SCAMP4: variants seen among roughly 807,000 people sequenced by gnomAD.
SCAMP4 encodes the protein secretory carrier membrane protein 4.
SCAMP4 carries 19 observed loss-of-function variants against 32.1 expected under a neutral mutation model. That is an observed-to-expected ratio of 0.59 (90% CI 0.41 to 0.87). The LOEUF is 0.87. Ranked by LOEUF, SCAMP4 falls within the 40% of genes least tolerant of loss-of-function variation. The probability of loss-of-function intolerance (pLI) is 0.00; values close to 1 mark genes in which losing one functional copy is unlikely to be tolerated. For missense variants in SCAMP4, 302 were observed against 309.0 expected (o/e 0.98, Z 0.17); for synonymous variants, 152 against 132.7 (o/e 1.15, Z -1.00).
intron 5 of SCAMP4, chr19:1,921,970 G>A (rs186309214): frequency 8.1e-6 from 8 of 985,522 alleles, no homozygotes; most frequent in Middle Eastern, 5.2e-4. Context: ...GTGCATGTGT[G>A]TGCATAAGCT....
At position 1,917,605 on chromosome 19, in the gene SCAMP4, G is replaced by C. The variant is rs1238625380; in HGVS notation, c.8-89G>C. ...CTGCAGAGTCCCTTCTGCCATGAGA[G>C]GCAACCCAGCCTTGGGTCGAAGGGA... On this transcript the variant is annotated intron_variant, in intron 2 of 6. Transcript: ENST00000316097. 3 of 1,492,546 alleles carry C rather than the reference G, an allele frequency of 2.0e-6. No individual in the cohort carries two copies. The East Asian group carries it at 7.0e-5, about 35-fold the overall frequency. The allele number at this position is 1,492,546 out of a possible 1,614,324, so 92.5% of individuals were successfully genotyped here.
chr19:1,912,070 G>A, intron 1 of SCAMP4: 1 of 1,444,544 alleles, frequency 6.9e-7, no homozygotes. Flanking sequence ...TCCCGTCTCT[G>A]TCTCCCACAG....
At chr19:1,921,573 C>T (rs985820580) in intron 5 of SCAMP4, 23 of 985,304 alleles carry the variant, frequency 2.3e-5, no homozygotes, top group African/African-American at 3.5e-5. Context: ...CATGCGGGGG[C>T]GTGCGATGCT....
chr19:1,913,942 G>A (rs1455955510), intron 1 of SCAMP4, among the ~76,000 whole-genome samples: 3 of 152,188 alleles, frequency 2.0e-5, no homozygotes, highest in Admixed American at 6.5e-5. Flanking sequence ...GCTCTGCGTG[G>A]GGAGCTCATG....
chr19:1,923,574 G>C (rs1355487693), intron 6 of SCAMP4, among the ~76,000 whole-genome samples: 1 of 150,018 alleles, frequency 6.7e-6, no homozygotes, highest in East Asian at 2.0e-4. Context: ...CGGAAGTGTT[G>C]AGCTGGGCTC....
intron 1 of SCAMP4, chr19:1,913,283 G>A: frequency 2.3e-6 from 3 of 1,323,728 alleles, no homozygotes; most frequent in East Asian, 5.2e-5. Flanking sequence ...CCAGCGGGGA[G>A]CACGGGTGCT....
chr19:1,914,852 C>T lies in SCAMP4; in HGVS notation c.-41-127C>T, dbSNP rs545291444. Reference sequence around the variant, plus strand: ...TGGGTCGAGTCAGGCCTGTGGCTCCCGCTTAGCCCACTGCTGTTTCCAGAG... The same window carrying T: ...TGGGTCGAGTCAGGCCTGTGGCTCCTGCTTAGCCCACTGCTGTTTCCAGAG... On this transcript the variant is annotated intron_variant, in intron 1 of 6. Coordinates refer to ENST00000316097, the MANE Select transcript of SCAMP4 (RefSeq NM_079834.4). The T allele has an allele frequency of 1.2e-3, 886 of 753,922 alleles. 2 individuals are homozygous for T. The highest frequency in any genetic ancestry group is 1.8e-3 in the Non-Finnish European group (770 of 438,454). 46.7% of individuals were successfully genotyped at this position (753,922 alleles called of 1,614,324 possible).
At chr19:1,910,904 G>GT (rs1385442540) in intron 1 of SCAMP4, among the ~76,000 whole-genome samples, 1 of 151,246 alleles carries the variant, frequency 6.6e-6, no homozygotes, top group East Asian at 1.9e-4. Context: ...GTCTCGCGCT[G>GT]TTACCAGGCT....
chr19:1,908,575 GGCT>G lies in SCAMP4; in HGVS notation c.-42+3137_-42+3139del, dbSNP rs2013266537. 2.1e-6 allele frequency: 1 copy of G among 471,032 alleles called. No homozygotes were observed. The highest frequency in any genetic ancestry group is 4.4e-6 in the Non-Finnish European group (1 of 227,052). The allele number at this position is 471,032 out of a possible 1,614,324, so 29.2% of individuals were successfully genotyped here. A position where few individuals can be genotyped will look rare whatever the true frequency, so the allele number is the denominator to read the frequency against. On this transcript the variant is annotated intron_variant, in intron 1 of 6. Transcript: ENST00000316097. The surrounding 1 kb of genome is among the most constrained non-coding windows in gnomAD (Gnocchi z 4.2). The stretch of plus-strand genomic sequence containing the variant: ...CTGGAGTCATTTTAAGATCATCTGC[GGCT>G]TAGCCCCAGCACCATCTGAGGCAGT...
chr19:1,912,189 C>T, intron 1 of SCAMP4: 1 of 1,583,416 alleles, frequency 6.3e-7, no homozygotes. Flanking sequence ...CCTCCCTGTC[C>T]TGTCCGAGAA....
At chr19:1,917,600 T>TG (rs2013774778) in intron 2 of SCAMP4, 94 bp from the exon 3 acceptor site, 1 of 1,455,254 alleles carries the variant, frequency 6.9e-7, no homozygotes. Flanking sequence ...CCTTCTGCCA[T>TG]GAGAGGCAAC....
At chr19:1,915,947 A>G (rs1482757998) in intron 2 of SCAMP4, among the ~76,000 whole-genome samples, 1 of 136,286 alleles carries the variant, frequency 7.3e-6, no homozygotes, top group Admixed American at 7.5e-5. Context: ...TGTCTCAGAA[A>G]AAAAAAAAAG....
At chr19:1,912,955 C>G in intron 1 of SCAMP4, 2 of 1,610,284 alleles carry the variant, frequency 1.2e-6, no homozygotes, top group Non-Finnish European at 1.7e-6. Context: ...CTGTACGTGA[C>G]CCGCGAGCCC....
rs1417893401 is a variant in SCAMP4, at chr19:1,908,569, A to G, written c.-42+3130A>G. 2.1e-6 allele frequency: 1 copy of G among 471,058 alleles called. No homozygotes were observed. The highest frequency in any genetic ancestry group is 4.4e-6 in the Non-Finnish European group (1 of 227,056). 29.2% of individuals were successfully genotyped at this position (471,058 alleles called of 1,614,324 possible). A position where few individuals can be genotyped will look rare whatever the true frequency, so the allele number is the denominator to read the frequency against. On this transcript the variant is annotated intron_variant, in intron 1 of 6. Coordinates refer to ENST00000316097, the MANE Select transcript of SCAMP4 (RefSeq NM_079834.4). This position sits in a 1 kb window ranked among gnomAD's most constrained non-coding sequence, Gnocchi z 4.2. Reference sequence around the variant, plus strand: ...ACCCGGCTGGAGTCATTTTAAGATCATCTGCGGCTTAGCCCCAGCACCATC... The same window carrying G: ...ACCCGGCTGGAGTCATTTTAAGATCGTCTGCGGCTTAGCCCCAGCACCATC...
intron 3 of SCAMP4, 58 bp downstream of exon 3, chr19:1,917,880 G>A: frequency 6.2e-7 from 1 of 1,604,980 alleles, no homozygotes; most frequent in South Asian, 1.1e-5. Context: ...CCGAGGGAGG[G>A]AGTGGCATTC....
In SCAMP4 at chr19:1,922,264, C is replaced by T. The variant is rs1236597306; in HGVS notation, c.396-806C>T. 3.9e-5 allele frequency: 38 copies of T among 985,172 alleles called. No individual in the cohort carries two copies. In the Admixed American group the frequency reaches 7.4e-4, roughly 19 times the overall value. 61.0% of individuals were successfully genotyped at this position (985,172 alleles called of 1,614,324 possible). A position where few individuals can be genotyped will look rare whatever the true frequency, so the allele number is the denominator to read the frequency against. ...GGCTGATCTAAGCAGTGCTTTCCCTCGTTTTTTTATTTTGAGACAGAATCT... is the reference window on the plus strand; with the variant it reads ...GGCTGATCTAAGCAGTGCTTTCCCTTGTTTTTTTATTTTGAGACAGAATCT... On this transcript the variant is annotated intron_variant, in intron 5 of 6. Coordinates refer to ENST00000316097, the MANE Select transcript of SCAMP4 (RefSeq NM_079834.4).
At chr19:1,909,392 G>A (rs1253626901) in intron 1 of SCAMP4, among the ~76,000 whole-genome samples, 1 of 152,208 alleles carries the variant, frequency 6.6e-6, no homozygotes, top group African/African-American at 2.4e-5. Context: ...GATCCCGAGA[G>A]CTGGGGGCCC....
In SCAMP4 at chr19:1,925,515, G is replaced by A. The variant is rs2014070786; in HGVS notation, c.*1231G>A. The A allele has an allele frequency of 6.5e-6, 1 of 153,000 alleles. No individual in the cohort carries two copies. Among genetic ancestry groups the A allele is most frequent in the South Asian group, 2.1e-4 (1 of 4,808 alleles). 9.5% of individuals were successfully genotyped at this position (153,000 alleles called of 1,614,324 possible). A position where few individuals can be genotyped will look rare whatever the true frequency, so the allele number is the denominator to read the frequency against. ...AACTCCCCCTGGAACACCTCTCCCAGGCAAGACATTTTCACAGCACCATTC... is the reference window on the plus strand; with the variant it reads ...AACTCCCCCTGGAACACCTCTCCCAAGCAAGACATTTTCACAGCACCATTC... On this transcript the variant is annotated 3_prime_UTR_variant, in exon 7 of 7. Transcript: ENST00000316097.
chr19:1,907,542 T>G (rs998072347), intron 1 of SCAMP4, among the ~76,000 whole-genome samples: 1 of 152,016 alleles, frequency 6.6e-6, no homozygotes, highest in Non-Finnish European at 1.5e-5. Flanking sequence ...ACTGGGTGTG[T>G]TTTCTGGGTG....
Sources: allele counts gnomAD v4.1 joint callset (sites outside exome capture counted in the v4.1 genomes callset), GRCh38; gene constraint gnomAD v4.1.1; non-coding constraint Gnocchi (gnomAD v3.1); transcripts MANE v1.5; gene names NCBI Gene and HGNC (gene_info 2026-07-23, HGNC 2026-07-21).